The following GK variants were observed in gnomAD, a reference collection of about 807,000 sequenced individuals.
The protein encoded by GK is ATP:glycerol 3-phosphotransferase.
GK carries 9 observed loss-of-function variants against 56.4 expected under a neutral mutation model. The observed-to-expected ratio is 0.16, with a 90% CI of 0.10 to 0.28. The LOEUF (loss-of-function observed/expected upper bound fraction) is 0.28. Ranked by LOEUF, GK falls within the 10% of genes least tolerant of loss-of-function variation. GK has a pLI of 1.00. For missense variants in GK, 161 were observed against 431.4 expected, an observed-to-expected ratio of 0.37 and a Z score of 5.55; for synonymous variants, 104 against 144.1, an observed-to-expected ratio of 0.72 and a Z score of 1.99.
At chrX:30,662,186 C>T (rs1312508213) in intron 1 of GK, among the ~76,000 whole-genome samples, 3 of 112,062 alleles carry the variant, frequency 2.7e-5, no homozygotes, top group Non-Finnish European at 5.6e-5. Context: ...AAAAACAAAT[C>T]ATTAATATTT....
intron 19 of GK, among the ~76,000 whole-genome samples, chrX:30,727,064 C>G (rs1267013795): frequency 8.9e-6 from 1 of 112,257 alleles, no homozygotes; most frequent in South Asian, 3.6e-4. Flanking sequence ...TATAACTCTT[C>G]TCTCATGGCC....
At chrX:30,664,089 T>G (rs866835261) in intron 1 of GK, among the ~76,000 whole-genome samples, 56 of 68,704 alleles carry the variant, frequency 8.2e-4, no homozygotes, top group East Asian at 3.2e-3. Flanking sequence ...ATTTTATATA[T>G]ATCTATATAT....
intron 11 of GK, among the ~76,000 whole-genome samples, chrX:30,702,047 A>T (rs773135402): frequency 1.1e-4 from 11 of 103,394 alleles, no homozygotes; most frequent in Middle Eastern, 4.9e-3. Context: ...ATTTTTATTT[A>T]TTTTTTTTTT....
intron 11 of GK, among the ~76,000 whole-genome samples, chrX:30,705,821 C>T (rs1474718249): frequency 8.9e-6 from 1 of 112,130 alleles, no homozygotes; most frequent in Non-Finnish European, 1.9e-5. Flanking sequence ...TGCTAATACT[C>T]ATTAATTGCT....
At chrX:30,688,808 T>C (rs537876709) in intron 4 of GK, among the ~76,000 whole-genome samples, 1 of 112,134 alleles carries the variant, frequency 8.9e-6, no homozygotes, top group South Asian at 3.7e-4. Context: ...CTAGAATTTA[T>C]GGGGATGGAG....
intron 8 of GK, 38 bp downstream of exon 8, chrX:30,696,721 A>T: frequency 9.9e-7 from 1 of 1,011,784 alleles, no homozygotes; most frequent in South Asian, 2.0e-5. Flanking sequence ...CACACCAAAA[A>T]ACCAAAAAAC....
In GK at chrX:30,685,128, C is replaced by CT. The variant is rs759747320; in HGVS notation, c.338-5984dup. On this transcript the variant is annotated intron_variant, in intron 4 of 20. Coordinates refer to ENST00000427190, the MANE Select transcript of GK (RefSeq NM_001205019.2). ...CTTTAAACAATAAAGTATTTTTTTT[C>CT]TTTTTTTTTTTCTTTTTTTTTGAGA... Among the ~76,000 whole-genome samples, 480 of 105,515 alleles carry CT rather than the reference C, an allele frequency of 4.5e-3. 4 individuals are homozygous for CT. Among genetic ancestry groups the CT allele is most frequent in the African/African-American group, 0.014 (407 of 29,274 alleles). 91.6% of individuals were successfully genotyped at this position (105,515 alleles called of 115,157 possible). A position where few individuals can be genotyped will look rare whatever the true frequency, so the allele number is the denominator to read the frequency against.
At chrX:30,674,342 G>A (rs141762295) in intron 3 of GK, 144 of 329,073 alleles carry the variant, frequency 4.4e-4, no homozygotes, top group African/African-American at 3.4e-3. Flanking sequence ...TTGAGGGTCT[G>A]CGGCCTTAAA....
chrX:30,674,327 G>A (rs1452882533), intron 3 of GK: 1 of 331,085 alleles, frequency 3.0e-6, no homozygotes, highest in South Asian at 2.6e-5. Flanking sequence ...GCTTCATGGA[G>A]AAAGTTGAGG....
At chrX:30,674,877 C>T (rs1379653777) in intron 3 of GK, among the ~76,000 whole-genome samples, 5 of 111,738 alleles carry the variant, frequency 4.5e-5, no homozygotes, top group African/African-American at 6.5e-5. Flanking sequence ...AACAAGGGAG[C>T]TGATGTTCCC....
At chrX:30,693,811 A>G (rs1046904779) in intron 5 of GK, among the ~76,000 whole-genome samples, 3 of 111,200 alleles carry the variant, frequency 2.7e-5, no homozygotes, top group African/African-American at 9.8e-5. Context: ...AGCCTCCCAA[A>G]GTGTTGGGAT....
intron 19 of GK, among the ~76,000 whole-genome samples, chrX:30,725,126 G>A (rs1016418573): frequency 9.0e-5 from 10 of 111,001 alleles, no homozygotes; most frequent in South Asian, 3.8e-4. Context: ...CAAGTGATCC[G>A]CCCGCCTTGG....
At chrX:30,716,491 AT>A (rs369959686) in intron 13 of GK, among the ~76,000 whole-genome samples, 111 of 111,912 alleles carry the variant, frequency 9.9e-4, no homozygotes, top group African/African-American at 3.3e-3. Flanking sequence ...TCATGTTGAA[AT>A]TTTTTTTAAT....
At chrX:30,727,863 T>C (rs1937207957) in intron 20 of GK, among the ~76,000 whole-genome samples, 1 of 111,850 alleles carries the variant, frequency 8.9e-6, no homozygotes, top group Non-Finnish European at 1.9e-5. Flanking sequence ...GACTGACTGC[T>C]GAAAGTTAAA....
intron 1 of GK, among the ~76,000 whole-genome samples, chrX:30,655,802 A>T (rs1238424810): frequency 8.9e-6 from 1 of 111,828 alleles, no homozygotes; most frequent in Non-Finnish European, 1.9e-5. Context: ...ACATCTTTCT[A>T]CATCAATGAA....
chrX:30,713,867 T>A (rs1351159623), intron 13 of GK, among the ~76,000 whole-genome samples: 1 of 112,089 alleles, frequency 8.9e-6, no homozygotes, highest in African/African-American at 3.2e-5. Flanking sequence ...AACCTGAGCT[T>A]ACTTATGACT....
At chrX:30,689,308 G>A (rs1934798463) in intron 4 of GK, among the ~76,000 whole-genome samples, 1 of 112,397 alleles carries the variant, frequency 8.9e-6, no homozygotes, top group Admixed American at 9.4e-5. Context: ...TACTGCCACT[G>A]TGTAAAAGTA....
intron 1 of GK, among the ~76,000 whole-genome samples, chrX:30,655,244 G>T (rs1932171423): frequency 8.9e-6 from 1 of 112,077 alleles, no homozygotes; most frequent in African/African-American, 3.2e-5. Context: ...AAGAAAGTTT[G>T]CTTAACTGGA....
chrX:30,674,921 G>A (rs1195723973), intron 3 of GK, among the ~76,000 whole-genome samples: 1 of 111,881 alleles, frequency 8.9e-6, no homozygotes, highest in Non-Finnish European at 1.9e-5. Flanking sequence ...CATTCCTAGA[G>A]TATTGTGTTT....
Sources: allele counts gnomAD v4.1 joint callset (sites outside exome capture counted in the v4.1 genomes callset), GRCh38; gene constraint gnomAD v4.1.1; transcripts MANE v1.5; gene names NCBI Gene and HGNC (gene_info 2026-07-23, HGNC 2026-07-21).